The following BTBD9 variants were observed in gnomAD, a reference collection of about 807,000 sequenced individuals.
BTBD9 encodes BTB domain containing 9, also known as BTB/POZ domain-containing protein 9.
Under a neutral mutation model 64.3 loss-of-function variants are expected in BTBD9, and 49 were observed. The ratio of observed to expected loss-of-function variants is 0.76; its 90% confidence interval spans 0.61 to 0.97. The LOEUF (loss-of-function observed/expected upper bound fraction) is 0.97. BTBD9 is among the 50% of genes least tolerant of loss of function. BTBD9 has a pLI of 0.00. For synonymous variants in BTBD9, 260 were observed against 274.7 expected, an observed-to-expected ratio of 0.95 and a Z score of 0.53; for missense variants, 598 against 762.1, an observed-to-expected ratio of 0.78 and a Z score of 2.53.
intron 6 of BTBD9, among the ~76,000 whole-genome samples, chr6:38,384,046 G>C (rs1582335978): frequency 6.6e-6 from 1 of 152,160 alleles, no homozygotes; most frequent in Non-Finnish European, 1.5e-5. Flanking sequence ...ATAGGGCTCG[G>C]TGGGAAAACC....
chr6:38,220,827 T>C (rs772461520), intron 9 of BTBD9, among the ~76,000 whole-genome samples: 1 of 152,350 alleles, frequency 6.6e-6, no homozygotes, highest in Non-Finnish European at 1.5e-5. Flanking sequence ...CTTGGGACAC[T>C]ACCAGGCCTG....
At chr6:38,406,512 A>C (rs1260876730) in intron 6 of BTBD9, among the ~76,000 whole-genome samples, 1 of 152,172 alleles carries the variant, frequency 6.6e-6, no homozygotes, top group Non-Finnish European at 1.5e-5. Flanking sequence ...TACAGTAAGG[A>C]GTTGGCATTC....
intron 6 of BTBD9, among the ~76,000 whole-genome samples, chr6:38,447,293 C>T (rs150101626): frequency 6.1e-4 from 93 of 152,276 alleles, no homozygotes; most frequent in African/African-American, 2.0e-3. Context: ...TATAGCAATT[C>T]GTTACAATTC....
At chr6:38,342,997 A>G (rs1340556555) in intron 7 of BTBD9, among the ~76,000 whole-genome samples, 1 of 152,182 alleles carries the variant, frequency 6.6e-6, no homozygotes, top group Admixed American at 6.5e-5. Context: ...AGGGGGTTCC[A>G]CTGCAGGCAA....
intron 9 of BTBD9, among the ~76,000 whole-genome samples, chr6:38,238,623 C>T (rs932519658): frequency 6.6e-6 from 1 of 152,200 alleles, no homozygotes; most frequent in East Asian, 1.9e-4. Flanking sequence ...CAGGCGCCCA[C>T]CACCACGCCC....
At chr6:38,374,347 A>G (rs1175476737) in intron 6 of BTBD9, among the ~76,000 whole-genome samples, 1 of 132,510 alleles carries the variant, frequency 7.5e-6, no homozygotes, top group Non-Finnish European at 1.6e-5. Flanking sequence ...TCTGTACTCA[A>G]ACTATATAAG....
At chr6:38,447,596 A>G (rs929591323) in intron 6 of BTBD9, among the ~76,000 whole-genome samples, 6 of 152,242 alleles carry the variant, frequency 3.9e-5, no homozygotes, top group African/African-American at 7.2e-5. Flanking sequence ...GTTACAGTAC[A>G]GACTCTGTAC....
At chr6:38,177,954 C>T (rs1439702189) in intron 10 of BTBD9, among the ~76,000 whole-genome samples, 1 of 152,228 alleles carries the variant, frequency 6.6e-6, no homozygotes, top group Non-Finnish European at 1.5e-5. Flanking sequence ...CACGGCAGGC[C>T]CTGCCATCAA....
intron 6 of BTBD9, among the ~76,000 whole-genome samples, chr6:38,519,729 T>C (rs1165729728): frequency 6.6e-6 from 1 of 152,124 alleles, no homozygotes; most frequent in Non-Finnish European, 1.5e-5. Context: ...GTGAAAGAGT[T>C]TTGAGTTGTC....
At chr6:38,498,700 C>G (rs1772064348) in intron 6 of BTBD9, among the ~76,000 whole-genome samples, 1 of 152,120 alleles carries the variant, frequency 6.6e-6, no homozygotes, top group African/African-American at 2.4e-5. Context: ...TTATTTGATT[C>G]TAAAACCCAA....
chr6:38,202,085 GTTT>G (rs147043026), intron 9 of BTBD9, among the ~76,000 whole-genome samples: 3 of 120,614 alleles, frequency 2.5e-5, no homozygotes, highest in Non-Finnish European at 5.0e-5. Context: ...CGTTTTTTTT[GTTT>G]TTTTTTTTTT....
intron 9 of BTBD9, among the ~76,000 whole-genome samples, chr6:38,245,249 G>T (rs1184858533): frequency 6.6e-6 from 1 of 152,206 alleles, no homozygotes; most frequent in Middle Eastern, 3.2e-3. Flanking sequence ...ATTGCAAACT[G>T]CAACAAGGGC....
intron 6 of BTBD9, among the ~76,000 whole-genome samples, chr6:38,545,794 AAAAAG>A (rs1774514451): frequency 1.3e-5 from 2 of 151,252 alleles, no homozygotes; most frequent in South Asian, 2.1e-4. Flanking sequence ...AAAAAAAAAA[AAAAAG>A]AATGAATTTT....
At chr6:38,636,773 A>G (rs1778541069) in intron 1 of BTBD9, among the ~76,000 whole-genome samples, 1 of 152,178 alleles carries the variant, frequency 6.6e-6, no homozygotes, top group African/African-American at 2.4e-5. Context: ...ATGAAGTGGA[A>G]GACCCCCTCA....
chr6:38,330,563 TA>T (rs547565689), intron 7 of BTBD9, among the ~76,000 whole-genome samples: 21 of 151,402 alleles, frequency 1.4e-4, no homozygotes, highest in Non-Finnish European at 2.4e-4. Flanking sequence ...ACGCCATCTC[TA>T]AAAAAAAATT....
chr6:38,544,889 T>C (rs140936433), intron 6 of BTBD9, among the ~76,000 whole-genome samples: 9,319 of 126,600 alleles, frequency 0.074, 770 homozygotes, highest in East Asian at 0.25. Flanking sequence ...ACCGTGCCAT[T>C]GCACTCCAGC....
intron 6 of BTBD9, among the ~76,000 whole-genome samples, chr6:38,411,737 A>G (rs933362790): frequency 6.6e-6 from 1 of 152,102 alleles, no homozygotes; most frequent in Non-Finnish European, 1.5e-5. Flanking sequence ...GGAGTTTGAG[A>G]CCAGCCTGGG....
At chr6:38,367,412 T>C (rs940720187) in intron 6 of BTBD9, among the ~76,000 whole-genome samples, 2 of 152,186 alleles carry the variant, frequency 1.3e-5, no homozygotes, top group African/African-American at 2.4e-5. Flanking sequence ...AGTTACACCA[T>C]AGCAGCTGCA....
intron 6 of BTBD9, among the ~76,000 whole-genome samples, chr6:38,505,379 C>A (rs999081132): frequency 2.5e-4 from 38 of 152,294 alleles, no homozygotes; most frequent in African/African-American, 9.1e-4. Context: ...CATCCCAGCA[C>A]TTTGGGAGGC....
Sources: gnomAD v4.1 joint callset for allele counts (sites outside exome capture counted in the v4.1 genomes callset) on GRCh38, gnomAD v4.1.1 for gene constraint, MANE v1.5 for transcripts, NCBI Gene and HGNC (gene_info 2026-07-23, HGNC 2026-07-21) for gene names.